ZNF573: variants seen among roughly 807,000 people sequenced by gnomAD.
ZNF573 encodes the protein zinc finger protein 573.
Under a neutral mutation model 57.4 loss-of-function variants are expected in ZNF573, and 41 were observed. That is an observed-to-expected ratio of 0.71 (90% CI 0.56 to 0.93). The LOEUF is 0.93. Among genes scored for constraint, ZNF573 ranks in the 40% least tolerant of loss-of-function variants. The probability of loss-of-function intolerance (pLI) is 0.00; values close to 1 mark genes in which losing one functional copy is unlikely to be tolerated. For synonymous variants in ZNF573, 249 were observed against 261.0 expected (o/e 0.95, Z 0.44); for missense variants, 730 against 794.8 (o/e 0.92, Z 0.98).
chr19:37,756,463 A>G (rs1039379134), intron 4 of ZNF573, among the ~76,000 whole-genome samples: 1 of 152,176 alleles, frequency 6.6e-6, no homozygotes, highest in South Asian at 2.1e-4. Context: ...GCTGCTTTAG[A>G]TGCAATGCTG....
At chr19:37,756,885 G>T (rs1287699218) in intron 4 of ZNF573, among the ~76,000 whole-genome samples, 2 of 151,354 alleles carry the variant, frequency 1.3e-5, no homozygotes, top group African/African-American at 4.9e-5. Flanking sequence ...ATGTTCCATC[G>T]AATGAGCCAA....
chr19:37,770,070 A>G lies in ZNF573; in HGVS notation c.230T>C (p.Val77Ala). ...LGGHSISKPVVVDLLERGKEP... is the reference protein window; with the variant it reads ...LGGHSISKPVAVDLLERGKEP... ...TTTTCCTCGCTCCAGTAAATCAACCACAACTGGTTTAGAAATGGAATGTCC... is the reference window on the plus strand; with the variant it reads ...TTTTCCTCGCTCCAGTAAATCAACCGCAACTGGTTTAGAAATGGAATGTCC... Residue 77 changes from valine (V) to alanine (A), a missense_variant, in exon 4 of 5, where the codon GTG becomes GCG. By Grantham distance (64) the Val-to-Ala change is moderately conservative. Transcript: ENST00000536220. The G allele has an allele frequency of 2.6e-6, 4 of 1,551,636 alleles. No individual in the cohort carries two copies. Among genetic ancestry groups the G allele is most frequent in the Non-Finnish European group, 3.5e-6 (4 of 1,147,054 alleles).
intron 4 of ZNF573, chr19:37,758,976 A>G (rs1207814159): frequency 5.2e-6 from 2 of 387,452 alleles, no homozygotes; most frequent in Non-Finnish European, 7.0e-6. Flanking sequence ...TAATATATCA[A>G]TAATAACTAA....
intron 4 of ZNF573, among the ~76,000 whole-genome samples, chr19:37,767,219 C>A (rs2045609349): frequency 6.6e-6 from 1 of 151,792 alleles, no homozygotes; most frequent in South Asian, 2.1e-4. Flanking sequence ...TAAAAAACGG[C>A]ATGAGATTCA....
At chr19:37,773,627 T>G in intron 2 of ZNF573, 34 bp downstream of exon 2, 1 of 1,498,824 alleles carries the variant, frequency 6.7e-7, no homozygotes, top group Non-Finnish European at 9.0e-7. Context: ...CCTATGATCA[T>G]GATATTGCAA....
intron 4 of ZNF573, among the ~76,000 whole-genome samples, chr19:37,752,023 T>C (rs1277139445): frequency 1.3e-5 from 2 of 149,884 alleles, no homozygotes; most frequent in African/African-American, 4.9e-5. Context: ...TAGTACCGTA[T>C]ATATACTGTA....
intron 4 of ZNF573, among the ~76,000 whole-genome samples, chr19:37,750,391 G>A (rs1228144758): frequency 3.9e-5 from 6 of 152,028 alleles, no homozygotes; most frequent in East Asian, 1.9e-4. Flanking sequence ...GCCATCCAAC[G>A]TTAGGAAGGA....
chr19:37,773,212 A>G (rs572406973), intron 2 of ZNF573, among the ~76,000 whole-genome samples: 1 of 152,352 alleles, frequency 6.6e-6, no homozygotes, highest in East Asian at 1.9e-4. Flanking sequence ...ATTCTCAAAG[A>G]ATATGAGATC....
chr19:37,776,644 T>G (rs1209703468), intron 1 of ZNF573, among the ~76,000 whole-genome samples: 2 of 152,076 alleles, frequency 1.3e-5, no homozygotes, highest in Non-Finnish European at 2.9e-5. Flanking sequence ...GGGACTTAAT[T>G]AAACTAAAAA....
Position 37,752,061 on chromosome 19 carries a change from GAA to G in ZNF573, c.296-11869_296-11868del, listed in dbSNP as rs1306920119. Reference sequence around the variant, plus strand: ...TAGTATATAGTACAGTATATAGACAGAAAGACTATGTGTGTATATATATACAC... The same window carrying G: ...TAGTATATAGTACAGTATATAGACAGAGACTATGTGTGTATATATATACAC... On this transcript the variant is annotated intron_variant, in intron 4 of 4. Coordinates refer to ENST00000536220, the MANE Select transcript of ZNF573 (RefSeq NM_001172690.2). Among the ~76,000 whole-genome samples the G allele has an allele frequency of 4.6e-5, 7 of 151,418 alleles. No homozygotes were observed. In the East Asian group the frequency reaches 1.4e-3, roughly 29 times the overall value.
chr19:37,774,329 C>CG (rs2045688268), intron 1 of ZNF573, among the ~76,000 whole-genome samples: 2 of 151,558 alleles, frequency 1.3e-5, no homozygotes, highest in African/African-American at 4.8e-5. Flanking sequence ...TTAGTAGAGA[C>CG]GGGGTTTCAC....
intron 1 of ZNF573, chr19:37,778,483 T>C (rs8111875): frequency 0.25 from 38,010 of 149,944 alleles, 5,344 homozygotes; most frequent in East Asian, 0.63. Flanking sequence ...ATTACAGGCG[T>C]GAGCCACCAC....
chr19:37,750,478 A>G (rs973506165), intron 4 of ZNF573, among the ~76,000 whole-genome samples: 1 of 152,216 alleles, frequency 6.6e-6, no homozygotes, highest in Non-Finnish European at 1.5e-5. Context: ...TATAATTGAT[A>G]AGAGATAAAA....
At chr19:37,758,256 TATATATATAA>T (rs2045514953) in intron 4 of ZNF573, among the ~76,000 whole-genome samples, 1 of 93,642 alleles carries the variant, frequency 1.1e-5, no homozygotes, top group African/African-American at 4.3e-5. Context: ...TATATATATA[TATATATATAA>T]AATTACCCAG....
At chr19:37,748,180 G>T (rs76427477) in intron 4 of ZNF573, among the ~76,000 whole-genome samples, 5,659 of 152,268 alleles carry the variant, frequency 0.037, 139 homozygotes, top group Non-Finnish European at 0.052. Flanking sequence ...ACCCCTAACT[G>T]GATGCATCTT....
In ZNF573 at chr19:37,742,715, A is replaced by G. The variant is rs1456735290; in HGVS notation, c.296-2521T>C. Among the ~76,000 whole-genome samples the G allele has an allele frequency of 5.9e-5, 9 of 152,350 alleles. No individual in the cohort carries two copies. In the East Asian group the frequency reaches 1.5e-3, roughly 26 times the overall value. On this transcript the variant is annotated intron_variant, in intron 4 of 4. Transcript: ENST00000536220. ...AGACTTAACTGTAAAACCCAAAACC[A>G]TAAAAACCCTAGAAGAAAACCTAGG...
At chr19:37,754,344 ACT>A (rs766422951) in intron 4 of ZNF573, among the ~76,000 whole-genome samples, 2 of 151,852 alleles carry the variant, frequency 1.3e-5, no homozygotes, top group African/African-American at 2.4e-5. Context: ...AGATGGTAAA[ACT>A]CTGTCTCTAC....
chr19:37,745,330 G>A (rs2045371047), intron 4 of ZNF573, among the ~76,000 whole-genome samples: 1 of 151,868 alleles, frequency 6.6e-6, no homozygotes, highest in South Asian at 2.1e-4. Context: ...GCTTCTGTCT[G>A]CCTCAGCCTC....
intron 4 of ZNF573, among the ~76,000 whole-genome samples, chr19:37,769,123 C>A (rs189638738): frequency 1.5e-4 from 23 of 151,816 alleles, no homozygotes; most frequent in Non-Finnish European, 3.2e-4. Flanking sequence ...TGCCACCATG[C>A]CTGGCTAATT....
Sources: allele counts gnomAD v4.1 joint callset (sites outside exome capture counted in the v4.1 genomes callset), GRCh38; gene constraint gnomAD v4.1.1; transcripts MANE v1.5; gene names NCBI Gene and HGNC (gene_info 2026-07-23, HGNC 2026-07-21).